Variants in ZMAT4 observed in about 807,000 individuals in gnomAD.
ZMAT4 encodes the protein zinc finger matrin-type 4, also known as zinc finger matrin-type protein 4.
A neutral mutation model predicts 28.7 loss-of-function variants in ZMAT4; 17 were observed. That is an observed-to-expected ratio of 0.59 (90% CI 0.41 to 0.89). The LOEUF (loss-of-function observed/expected upper bound fraction) is 0.89. ZMAT4 is among the 40% of genes least tolerant of loss of function. ZMAT4 has a pLI of 0.00. For missense variants in ZMAT4, 240 were observed against 283.8 expected (o/e 0.85, Z 1.11); for synonymous variants, 117 against 109.2 (o/e 1.07, Z -0.44).
At chr8:40,605,404 A>T (rs1309354723) in intron 5 of ZMAT4, among the ~76,000 whole-genome samples, 1 of 152,146 alleles carries the variant, frequency 6.6e-6, no homozygotes, top group Non-Finnish European at 1.5e-5. Context: ...AGTTTAAAAA[A>T]TTATTTAATT....
intron 3 of ZMAT4, among the ~76,000 whole-genome samples, chr8:40,735,559 C>G (rs1381176991): frequency 6.6e-6 from 1 of 152,108 alleles, no homozygotes; most frequent in East Asian, 1.9e-4. Context: ...GAAACTGGAT[C>G]TAAAAAATAT....
intron 1 of ZMAT4, among the ~76,000 whole-genome samples, chr8:40,879,364 A>G (rs1818144375): frequency 6.6e-6 from 1 of 152,232 alleles, no homozygotes. Flanking sequence ...TCCAGTCTGC[A>G]GTGAGCTGTG....
chr8:40,636,288 A>C (rs1376719666), intron 5 of ZMAT4, among the ~76,000 whole-genome samples: 1 of 152,232 alleles, frequency 6.6e-6, no homozygotes, highest in African/African-American at 2.4e-5. Context: ...TGCAATTGAA[A>C]AACTGACTTC....
intron 3 of ZMAT4, among the ~76,000 whole-genome samples, chr8:40,758,544 T>C (rs1812790501): frequency 6.6e-6 from 1 of 152,242 alleles, no homozygotes. Context: ...TCCCTGAATA[T>C]AGATTTTCTG....
At chr8:40,577,926 A>G (rs974025410) in intron 6 of ZMAT4, among the ~76,000 whole-genome samples, 1 of 152,072 alleles carries the variant, frequency 6.6e-6, no homozygotes, top group African/African-American at 2.4e-5. Context: ...AGAAAACACT[A>G]TTGAAAGAAT....
intron 1 of ZMAT4, among the ~76,000 whole-genome samples, chr8:40,861,452 A>G (rs1014686439): frequency 6.6e-6 from 1 of 152,222 alleles, no homozygotes; most frequent in South Asian, 2.1e-4. Context: ...TAAATGTTAG[A>G]CCTAAAACCA....
At chr8:40,854,195 G>A (rs1399838150) in intron 1 of ZMAT4, among the ~76,000 whole-genome samples, 2 of 152,150 alleles carry the variant, frequency 1.3e-5, no homozygotes, top group African/African-American at 4.8e-5. Context: ...ATTTGGAAGG[G>A]ACGCATAGTA....
At chr8:40,695,559 G>A (rs1809845909) in intron 4 of ZMAT4, among the ~76,000 whole-genome samples, 1 of 152,200 alleles carries the variant, frequency 6.6e-6, no homozygotes, top group Admixed American at 6.5e-5. Context: ...GGCTGAGCTA[G>A]TCCCATGAAC....
chr8:40,762,272 G>A (rs1206331407), intron 3 of ZMAT4, among the ~76,000 whole-genome samples: 1 of 152,198 alleles, frequency 6.6e-6, no homozygotes, highest in African/African-American at 2.4e-5. Flanking sequence ...CATGTACGTA[G>A]TTAAGAAGAT....
At chr8:40,680,701 TACACAC>T (rs71224844) in intron 4 of ZMAT4, among the ~76,000 whole-genome samples, 6 of 86,834 alleles carry the variant, frequency 6.9e-5, no homozygotes, top group Admixed American at 2.4e-4. Context: ...ATGTCTAATG[TACACAC>T]ACACACACAC....
At chr8:40,841,103 T>C (rs193268366) in intron 1 of ZMAT4, among the ~76,000 whole-genome samples, 131 of 152,308 alleles carry the variant, frequency 8.6e-4, no homozygotes, top group African/African-American at 3.0e-3. Flanking sequence ...CTTAGTCCTA[T>C]AGGAACAACG....
At chr8:40,782,217 C>T (rs914187809) in intron 2 of ZMAT4, among the ~76,000 whole-genome samples, 2 of 152,024 alleles carry the variant, frequency 1.3e-5, no homozygotes, top group Non-Finnish European at 2.9e-5. Flanking sequence ...GAAACCCCGC[C>T]TCTACTAAAA....
intron 5 of ZMAT4, among the ~76,000 whole-genome samples, chr8:40,604,900 G>A (rs886077416): frequency 2.0e-5 from 3 of 152,114 alleles, no homozygotes; most frequent in Non-Finnish European, 4.4e-5. Flanking sequence ...CAGGCTCACT[G>A]CTTGTCATTG....
At chr8:40,570,692 C>A (rs537973886) in intron 6 of ZMAT4, among the ~76,000 whole-genome samples, 1 of 151,804 alleles carries the variant, frequency 6.6e-6, no homozygotes, top group Non-Finnish European at 1.5e-5. Flanking sequence ...AGAGAGCAAC[C>A]TTGTCTCCAA....
At chr8:40,606,705 T>C (rs1023365621) in intron 5 of ZMAT4, among the ~76,000 whole-genome samples, 4 of 152,240 alleles carry the variant, frequency 2.6e-5, no homozygotes, top group African/African-American at 9.6e-5. Flanking sequence ...TTTGAGCTTC[T>C]TGTATTTGAA....
rs1018786055 is a variant in ZMAT4, at chr8:40,739,692, A to G, written c.192+27949T>C. Among the ~76,000 whole-genome samples the G allele has an allele frequency of 3.3e-5, 5 of 152,190 alleles. 1 individual carries two copies. Among genetic ancestry groups the G allele is most frequent in the African/African-American group, 1.2e-4 (5 of 41,440 alleles). On this transcript the variant is annotated intron_variant, in intron 3 of 6. Transcript: ENST00000297737. ...TGTGCAGAACGTGCAGGTTTGTTAC[A>G]TAGGTATACCTGTGCCGTGGTGTTC...
chr8:40,851,249 A>G (rs996997632), intron 1 of ZMAT4, among the ~76,000 whole-genome samples: 7 of 152,050 alleles, frequency 4.6e-5, no homozygotes, highest in African/African-American at 9.7e-5. Context: ...AATCGCTTGA[A>G]CCCAGGAGGC....
chr8:40,881,582 GAAAGAAAGAAAGAAAGA>G (rs760890539), intron 1 of ZMAT4, among the ~76,000 whole-genome samples: 1,606 of 106,750 alleles, frequency 0.015, 53 homozygotes, highest in Non-Finnish European at 0.023. Flanking sequence ...AAGAAAGAAA[GAAAGAAAGAAAGAAAGA>G]AAAGAAAAGA....
At chr8:40,564,446 C>T (rs915203024) in intron 6 of ZMAT4, among the ~76,000 whole-genome samples, 3 of 152,294 alleles carry the variant, frequency 2.0e-5, no homozygotes, top group East Asian at 1.9e-4. Context: ...GGGCCACCCC[C>T]CTCTAAACTC....
Sources: gnomAD v4.1 joint callset for allele counts (sites outside exome capture counted in the v4.1 genomes callset) on GRCh38, gnomAD v4.1.1 for gene constraint, MANE v1.5 for transcripts, NCBI Gene and HGNC (gene_info 2026-07-23, HGNC 2026-07-21) for gene names.